Variants in CLEC16A observed in about 807,000 individuals in gnomAD.
CLEC16A encodes protein CLEC16A.
CLEC16A carries 51 observed loss-of-function variants against 109.5 expected under a neutral mutation model. That is an observed-to-expected ratio of 0.47 (90% CI 0.37 to 0.59). The LOEUF is 0.59. CLEC16A is among the 20% of genes least tolerant of loss of function. CLEC16A has a pLI of 0.00. For synonymous variants in CLEC16A, 673 were observed against 564.2 expected, an observed-to-expected ratio of 1.19 and a Z score of -2.73; for missense variants, 1,339 against 1,394.0, an observed-to-expected ratio of 0.96 and a Z score of 0.63.
At chr16:11,094,543 C>G (rs1450046259) in intron 19 of CLEC16A, among the ~76,000 whole-genome samples, 1 of 152,226 alleles carries the variant, frequency 6.6e-6, no homozygotes, top group African/African-American at 2.4e-5. Flanking sequence ...ACAGGCACCA[C>G]CTCCCCCCCT....
rs2042259642 is a variant in CLEC16A at position 10,961,818 on chromosome 16, A to G, written c.210-637A>G. Among the ~76,000 whole-genome samples the G allele has an allele frequency of 1.3e-5, 2 of 152,016 alleles. No homozygotes were observed. The highest frequency in any genetic ancestry group is 2.1e-4 in the South Asian group (1 of 4,810). ...TTTTTAGTCTTCTGTTGTTTTTACG[A>G]CCCTGAAAGTTTTGAGAAATGCTGG... is the stretch of plus-strand genomic sequence containing the variant. On this transcript the variant is annotated intron_variant, in intron 2 of 23. Coordinates refer to ENST00000409790, the MANE Select transcript of CLEC16A (RefSeq NM_015226.3). The surrounding 1 kb of genome is among the most constrained non-coding windows in gnomAD (Gnocchi z 4.3).
At chr16:10,992,684 C>G (rs565488968) in intron 10 of CLEC16A, among the ~76,000 whole-genome samples, 1 of 151,930 alleles carries the variant, frequency 6.6e-6, no homozygotes, top group Non-Finnish European at 1.5e-5. Context: ...GCCATACTTA[C>G]CCTTGTGCAC....
chr16:11,096,681 T>C (rs140736238), intron 19 of CLEC16A, among the ~76,000 whole-genome samples: 58 of 152,278 alleles, frequency 3.8e-4, no homozygotes, highest in African/African-American at 1.2e-3. Flanking sequence ...CTCCAGGCCT[T>C]ATGGGGGTGC....
rs2047680683 is a variant in CLEC16A at position 11,047,223 on chromosome 16, T to C, written c.1816-69T>C. 2.9e-6 allele frequency: 4 copies of C among 1,361,616 alleles called. No individual in the cohort carries two copies. In the Admixed American group the frequency reaches 8.6e-5, roughly 29 times the overall value. The allele number at this position is 1,361,616 out of a possible 1,614,324, so 84.3% of individuals were successfully genotyped here. ...GCCTCTAAAGCCACAAACTAGAGTT[T>C]ATAATACTCTGTTGTTTATGGAAAA... On this transcript the variant is annotated intron_variant, in intron 16 of 23. Coordinates refer to ENST00000409790, the MANE Select transcript of CLEC16A (RefSeq NM_015226.3).
chr16:10,990,159 A>G (rs1052340349), intron 10 of CLEC16A, among the ~76,000 whole-genome samples: 24 of 152,346 alleles, frequency 1.6e-4, no homozygotes, highest in Admixed American at 9.8e-4. Flanking sequence ...CATTGCAGAC[A>G]TTCCCACAAG....
At chr16:11,002,640 C>T (rs2044736118) in intron 10 of CLEC16A, among the ~76,000 whole-genome samples, 1 of 152,126 alleles carries the variant, frequency 6.6e-6, no homozygotes, top group East Asian at 1.9e-4. Flanking sequence ...TCCCATCATC[C>T]ACCCCCTCCA....
At chr16:11,122,194 T>C (rs771620207) in intron 20 of CLEC16A, among the ~76,000 whole-genome samples, 4 of 152,216 alleles carry the variant, frequency 2.6e-5, no homozygotes, top group Non-Finnish European at 4.4e-5. Flanking sequence ...CCCACATACT[T>C]GAAGCTACTG....
intron 22 of CLEC16A, among the ~76,000 whole-genome samples, chr16:11,157,688 G>A (rs541842392): frequency 1.0e-3 from 154 of 150,892 alleles, no homozygotes; most frequent in Non-Finnish European, 2.0e-3. Flanking sequence ...GAGGAGTCCC[G>A]GGCAAGGACC....
chr16:10,963,347 A>G (rs1489104774), intron 3 of CLEC16A, among the ~76,000 whole-genome samples: 3 of 152,220 alleles, frequency 2.0e-5, no homozygotes, highest in Non-Finnish European at 4.4e-5. Flanking sequence ...GCTTCAATGT[A>G]GGAACCTGAG....
intron 10 of CLEC16A, among the ~76,000 whole-genome samples, chr16:10,988,059 A>T (rs1227252669): frequency 1.3e-5 from 2 of 152,254 alleles, no homozygotes; most frequent in Admixed American, 6.5e-5. Context: ...CTAAAGGCTA[A>T]TTCTTGCTAT....
At chr16:10,955,836 G>A (rs748963021) in intron 1 of CLEC16A, among the ~76,000 whole-genome samples, 13 of 152,228 alleles carry the variant, frequency 8.5e-5, no homozygotes, top group Non-Finnish European at 1.6e-4. Context: ...GAGTGTCACT[G>A]ATGGCCACAG....
chr16:11,089,837 G>A (rs755207782), intron 19 of CLEC16A, among the ~76,000 whole-genome samples: 1 of 152,196 alleles, frequency 6.6e-6, no homozygotes, highest in Non-Finnish European at 1.5e-5. Flanking sequence ...CCACCGCCAG[G>A]CACCGGTCCA....
chr16:11,119,892 T>A (rs926234876), intron 19 of CLEC16A, among the ~76,000 whole-genome samples: 3 of 152,228 alleles, frequency 2.0e-5, no homozygotes, highest in African/African-American at 4.8e-5. Context: ...CGTTGGATGT[T>A]TCTCCATTTG....
Position 11,174,947 on chromosome 16 carries a change from G to A in CLEC16A, c.2807-3388G>A, listed in dbSNP as rs142028063. 9.9e-4 allele frequency among the ~76,000 whole-genome samples: 151 copies of A among 152,232 alleles called. 1 individual carries two copies. The East Asian group carries it at 0.026, about 27-fold the overall frequency. On this transcript the variant is annotated intron_variant, in intron 23 of 23. Transcript: ENST00000409790. The surrounding 1 kb of genome is among the most constrained non-coding windows in gnomAD (Gnocchi z 4.7). Reference sequence around the variant, plus strand: ...CCATCCCTGCTGCCTCCCCTATGACGCTTCTTCTGTGGTTTCTGATGCGCT... The same window carrying A: ...CCATCCCTGCTGCCTCCCCTATGACACTTCTTCTGTGGTTTCTGATGCGCT...
chr16:11,051,997 GA>G (rs1443802238), intron 18 of CLEC16A, among the ~76,000 whole-genome samples: 1 of 152,180 alleles, frequency 6.6e-6, no homozygotes, highest in Admixed American at 6.5e-5. Context: ...AGGTTGGTGT[GA>G]AATCGTAGCC....
At chr16:11,098,222 C>T (rs1220801468) in intron 19 of CLEC16A, among the ~76,000 whole-genome samples, 1 of 152,174 alleles carries the variant, frequency 6.6e-6, no homozygotes, top group Admixed American at 6.5e-5. Context: ...CAGTGCCCAC[C>T]CCTCAACAGA....
intron 18 of CLEC16A, among the ~76,000 whole-genome samples, chr16:11,052,400 C>G (rs181125290): frequency 2.0e-5 from 3 of 152,268 alleles, no homozygotes; most frequent in African/African-American, 7.2e-5. Context: ...AGAGGTGTTT[C>G]ACTTTTGGAT....
chr16:11,007,793 AGAGT>A (rs2045122148), intron 11 of CLEC16A, among the ~76,000 whole-genome samples: 2 of 152,030 alleles, frequency 1.3e-5, no homozygotes, highest in Admixed American at 6.6e-5. Context: ...TATGTGTGTG[AGAGT>A]GAGTGTGTTT....
At chr16:11,146,217 C>T (rs548464717) in intron 22 of CLEC16A, among the ~76,000 whole-genome samples, 32 of 152,168 alleles carry the variant, frequency 2.1e-4, no homozygotes, top group Non-Finnish European at 2.5e-4. Flanking sequence ...CTCTACCTTG[C>T]TCATTCCTTC....
Sources: allele counts gnomAD v4.1 joint callset (sites outside exome capture counted in the v4.1 genomes callset), GRCh38; gene constraint gnomAD v4.1.1; non-coding constraint Gnocchi (gnomAD v3.1); transcripts MANE v1.5; gene names NCBI Gene and HGNC (gene_info 2026-07-23, HGNC 2026-07-21).